The following DIAPH3 variants were observed in gnomAD, a reference collection of about 807,000 sequenced individuals.
The protein encoded by DIAPH3 is protein diaphanous homolog 3.
A neutral mutation model predicts 144.3 loss-of-function variants in DIAPH3; 117 were observed. The ratio of observed to expected loss-of-function variants is 0.81; its 90% CI spans 0.70 to 0.95. The LOEUF (loss-of-function observed/expected upper bound fraction) is 0.95, where lower values mean the gene tolerates loss of function less well. Among genes scored for constraint, DIAPH3 ranks in the 40% least tolerant of loss-of-function variants. The pLI is 0.00. For missense variants in DIAPH3, 1,421 were observed against 1,412.7 expected, an observed-to-expected ratio of 1.01 and a Z score of -0.09; for synonymous variants, 519 against 488.9, an observed-to-expected ratio of 1.06 and a Z score of -0.81.
At chr13:59,953,902 T>G (rs1200610023) in intron 17 of DIAPH3, among the ~76,000 whole-genome samples, 1 of 152,206 alleles carries the variant, frequency 6.6e-6, no homozygotes, top group East Asian at 1.9e-4. Flanking sequence ...GGAAGCTATT[T>G]TTTTAAAGAG....
chr13:59,935,131 C>T (rs1214185256), intron 17 of DIAPH3, among the ~76,000 whole-genome samples: 1 of 152,162 alleles, frequency 6.6e-6, no homozygotes, highest in South Asian at 2.1e-4. Flanking sequence ...CATTTGCAAC[C>T]AAACACAGAC....
intron 22 of DIAPH3, among the ~76,000 whole-genome samples, chr13:59,856,253 G>A (rs1038895242): frequency 3.3e-5 from 5 of 152,142 alleles, no homozygotes; most frequent in African/African-American, 9.7e-5. Context: ...TTGATAAAGT[G>A]AAAAACCATT....
At chr13:60,142,912 AT>A (rs35260170) in intron 1 of DIAPH3, among the ~76,000 whole-genome samples, 27,360 of 143,592 alleles carry the variant, frequency 0.19, 3,076 homozygotes, top group South Asian at 0.28. Flanking sequence ...CATGCCCCAC[AT>A]TTTTTTTTTC....
At chr13:60,018,769 T>C (rs383465) in intron 5 of DIAPH3, among the ~76,000 whole-genome samples, 104,872 of 151,996 alleles carry the variant, frequency 0.69, 36,669 homozygotes, top group Admixed American at 0.76. Flanking sequence ...AACCAGATTA[T>C]ACATTATATC....
At chr13:59,734,052 T>C (rs376694052) in intron 27 of DIAPH3, among the ~76,000 whole-genome samples, 3 of 152,266 alleles carry the variant, frequency 2.0e-5, no homozygotes, top group Non-Finnish European at 2.9e-5. Context: ...TTAGGCATGA[T>C]ATCATCAGGA....
chr13:59,850,385 C>T (rs1416125304), intron 22 of DIAPH3, among the ~76,000 whole-genome samples: 16 of 151,436 alleles, frequency 1.1e-4, no homozygotes. Context: ...AGAGGGCATC[C>T]CTGTCTTGTG....
chr13:60,023,705 A>G (rs2054180812), intron 5 of DIAPH3, among the ~76,000 whole-genome samples: 1 of 151,988 alleles, frequency 6.6e-6, no homozygotes, highest in African/African-American at 2.4e-5. Flanking sequence ...AAGTGCTGGG[A>G]TTACAGGCGT....
At chr13:59,924,944 T>C in intron 17 of DIAPH3, 74 bp from the exon 18 acceptor site, 1 of 1,520,194 alleles carries the variant, frequency 6.6e-7, no homozygotes, top group Non-Finnish European at 8.9e-7. Flanking sequence ...GTGAACTTTT[T>C]ATCATTAAAT....
At chr13:59,942,253 A>AC (rs1302820311) in intron 17 of DIAPH3, among the ~76,000 whole-genome samples, 1 of 152,168 alleles carries the variant, frequency 6.6e-6, no homozygotes, top group East Asian at 1.9e-4. Flanking sequence ...AATTAATGTA[A>AC]CCCTGTGTAT....
intron 5 of DIAPH3, among the ~76,000 whole-genome samples, chr13:60,032,298 G>A (rs933815394): frequency 2.6e-5 from 4 of 152,188 alleles, no homozygotes; most frequent in African/African-American, 9.7e-5. Context: ...GTGCCCCACT[G>A]GGGACTCTGT....
chr13:59,950,969 C>T (rs2049065666), intron 17 of DIAPH3, among the ~76,000 whole-genome samples: 1 of 151,910 alleles, frequency 6.6e-6, no homozygotes, highest in African/African-American at 2.4e-5. Flanking sequence ...TTTCTTTCAT[C>T]AATTTTCTAA....
chr13:59,940,497 C>T (rs1349721475), intron 17 of DIAPH3, among the ~76,000 whole-genome samples: 2 of 152,146 alleles, frequency 1.3e-5, no homozygotes, highest in Admixed American at 6.5e-5. Flanking sequence ...TTAATTGGGA[C>T]TCTGGCTCAT....
chr13:60,079,948 C>G (rs1345858342), intron 4 of DIAPH3, among the ~76,000 whole-genome samples: 1 of 151,818 alleles, frequency 6.6e-6, no homozygotes, highest in Admixed American at 6.6e-5. Context: ...AACCTAGCCC[C>G]TATTCCAAAC....
intron 9 of DIAPH3, among the ~76,000 whole-genome samples, chr13:59,992,863 AC>A (rs2051928688): frequency 1.3e-5 from 2 of 150,846 alleles, no homozygotes; most frequent in African/African-American, 2.4e-5. Flanking sequence ...AAAAAAAAAA[AC>A]ACTTGTAACC....
chr13:59,943,717 A>C (rs1452968690), intron 17 of DIAPH3, among the ~76,000 whole-genome samples: 1 of 152,168 alleles, frequency 6.6e-6, no homozygotes, highest in Admixed American at 6.6e-5. Flanking sequence ...CAATAACATA[A>C]TCATTTATAT....
intron 27 of DIAPH3, among the ~76,000 whole-genome samples, chr13:59,764,465 T>G (rs749979978): frequency 2.0e-5 from 3 of 151,302 alleles, no homozygotes; most frequent in Non-Finnish European, 4.4e-5. Context: ...CCCTGTGGTG[T>G]TGTGGATTGA....
chr13:59,779,235 C>G (rs771222446), intron 25 of DIAPH3, among the ~76,000 whole-genome samples: 1 of 152,212 alleles, frequency 6.6e-6, no homozygotes, highest in Non-Finnish European at 1.5e-5. Flanking sequence ...GCATTCTAGT[C>G]TGAGCTTTCA....
At chr13:59,917,761 G>C (rs1383805576) in intron 18 of DIAPH3, among the ~76,000 whole-genome samples, 2 of 151,576 alleles carry the variant, frequency 1.3e-5, no homozygotes, top group Admixed American at 6.6e-5. Context: ...ATGGTGGCAT[G>C]TGCCTGTAGT....
At chr13:59,852,050 C>A (rs1032078480) in intron 22 of DIAPH3, among the ~76,000 whole-genome samples, 1 of 152,072 alleles carries the variant, frequency 6.6e-6, no homozygotes, top group African/African-American at 2.4e-5. Flanking sequence ...TTTTGAGAGT[C>A]CTTTCCTTAT....
Sources: allele counts gnomAD v4.1 joint callset (sites outside exome capture counted in the v4.1 genomes callset), GRCh38; gene constraint gnomAD v4.1.1; transcripts MANE v1.5; gene names NCBI Gene and HGNC (gene_info 2026-07-23, HGNC 2026-07-21).